REC114: variants seen among roughly 807,000 people sequenced by gnomAD.
The protein encoded by REC114 is meiotic recombination protein REC114.
In REC114, 27 loss-of-function variants were observed where a neutral mutation model predicts 31.3. The observed-to-expected ratio is 0.86, with a 90% CI of 0.64 to 1.19. The LOEUF (loss-of-function observed/expected upper bound fraction) is 1.19. Among genes scored for constraint, REC114 ranks in the 50% most tolerant of loss-of-function variants. The probability of loss-of-function intolerance (pLI) is 0.00; values close to 1 mark genes in which losing one functional copy is unlikely to be tolerated. For missense variants in REC114, 344 were observed against 326.9 expected, an observed-to-expected ratio of 1.05 and a Z score of -0.40; for synonymous variants, 134 against 127.7, an observed-to-expected ratio of 1.05 and a Z score of -0.33.
chr15:73,473,996 T>A, intron 2 of REC114, 75 bp downstream of exon 2: 1 of 908,182 alleles, frequency 1.1e-6, no homozygotes. Context: ...TTTTGTATCC[T>A]CAAGCTTCTT....
intron 1 of REC114, among the ~76,000 whole-genome samples, chr15:73,459,609 A>G (rs1246930097): frequency 6.6e-6 from 1 of 152,236 alleles, no homozygotes; most frequent in Non-Finnish European, 1.5e-5. Context: ...TTTATAAAGT[A>G]GTAGTCATTA....
intron 1 of REC114, among the ~76,000 whole-genome samples, chr15:73,466,436 C>A (rs957807367): frequency 2.0e-5 from 3 of 151,876 alleles, no homozygotes; most frequent in Non-Finnish European, 4.4e-5. Flanking sequence ...CACCTGTAAT[C>A]CTAGCTACTC....
At chr15:73,541,657 A>T (rs1566948387) in intron 3 of REC114, among the ~76,000 whole-genome samples, 1 of 152,190 alleles carries the variant, frequency 6.6e-6, no homozygotes, top group African/African-American at 2.4e-5. Flanking sequence ...TTTGTTTCCC[A>T]TATAAGGAAA....
intron 5 of REC114, among the ~76,000 whole-genome samples, chr15:73,557,463 C>A (rs998122293): frequency 1.3e-5 from 2 of 149,916 alleles, no homozygotes; most frequent in Admixed American, 1.3e-4. Context: ...ATCTGGCTTG[C>A]CACTAACTCA....
intron 2 of REC114, among the ~76,000 whole-genome samples, chr15:73,536,597 T>C (rs1436052551): frequency 1.3e-5 from 2 of 152,204 alleles, no homozygotes; most frequent in African/African-American, 2.4e-5. Flanking sequence ...ATTCTCTAGA[T>C]GGATAAGCCT....
intron 1 of REC114, among the ~76,000 whole-genome samples, chr15:73,443,606 G>A (rs535836133): frequency 1.3e-5 from 2 of 152,326 alleles, no homozygotes; most frequent in African/African-American, 4.8e-5. Flanking sequence ...TGTATTTATT[G>A]AGCGTCAAGT....
intron 2 of REC114, among the ~76,000 whole-genome samples, chr15:73,540,259 A>G (rs1894220000): frequency 6.6e-6 from 1 of 152,164 alleles, no homozygotes; most frequent in Admixed American, 6.5e-5. Flanking sequence ...ACATAAAAAG[A>G]TTAAGAAAAA....
At chr15:73,447,589 A>G (rs1001978202) in intron 1 of REC114, among the ~76,000 whole-genome samples, 1 of 152,078 alleles carries the variant, frequency 6.6e-6, no homozygotes, top group African/African-American at 2.4e-5. Context: ...CAGAGGTTGC[A>G]GTGAGCCAAG....
At chr15:73,475,780 A>G (rs1241343574) in intron 2 of REC114, among the ~76,000 whole-genome samples, 2 of 152,192 alleles carry the variant, frequency 1.3e-5, no homozygotes, top group African/African-American at 4.8e-5. Context: ...AGGATAGTTA[A>G]CTGAGTGTAC....
chr15:73,469,272 T>G (rs1893102221), intron 1 of REC114, among the ~76,000 whole-genome samples: 1 of 152,242 alleles, frequency 6.6e-6, no homozygotes, highest in Non-Finnish European at 1.5e-5. Flanking sequence ...TTCGTGTATT[T>G]TTAAGCTCTG....
intron 1 of REC114, among the ~76,000 whole-genome samples, chr15:73,444,490 CTCG>C (rs1285035795): frequency 6.6e-6 from 1 of 152,230 alleles, no homozygotes; most frequent in African/African-American, 2.4e-5. Flanking sequence ...TAAAAAGCAA[CTCG>C]TCATCTCTTC....
chr15:73,494,491 CAA>C (rs769659178), intron 2 of REC114, among the ~76,000 whole-genome samples: 28 of 84,100 alleles, frequency 3.3e-4, no homozygotes, highest in Non-Finnish European at 2.9e-4. Flanking sequence ...GACCCTGTCT[CAA>C]AAAAAAAAAA....
In REC114 at chr15:73,541,180, G is replaced by A. The variant is rs1249066480; in HGVS notation, c.333+612G>A. Among the ~76,000 whole-genome samples the A allele has an allele frequency of 3.3e-5, 5 of 152,100 alleles. 1 individual carries two copies. The South Asian group carries it at 8.3e-4, about 25-fold the overall frequency. On this transcript the variant is annotated intron_variant, in intron 3 of 5. Transcript: ENST00000331090. ...TCTAGTGGAGGGGTATTAACCTGGG[G>A]TACACAGACCCCAGAGTCTCCATAG...
chr15:73,527,114 C>T (rs550489617), intron 2 of REC114, among the ~76,000 whole-genome samples: 1 of 152,172 alleles, frequency 6.6e-6, no homozygotes, highest in African/African-American at 2.4e-5. Context: ...ATCTGGCCCT[C>T]ATGTATGTTT....
chr15:73,504,217 G>T (rs918165979), intron 2 of REC114, among the ~76,000 whole-genome samples: 1 of 151,892 alleles, frequency 6.6e-6, no homozygotes, highest in Admixed American at 6.6e-5. Context: ...ATGTTGGCCA[G>T]ATGGTCTCGA....
At chr15:73,454,081 A>G (rs1892886894) in intron 1 of REC114, among the ~76,000 whole-genome samples, 1 of 152,156 alleles carries the variant, frequency 6.6e-6, no homozygotes, top group Non-Finnish European at 1.5e-5. Context: ...ACAAACCTGC[A>G]CATTCTGCAC....
chr15:73,551,136 C>T lies in REC114; in HGVS notation c.532C>T (p.Pro178Ser). Residue 178 changes from proline (P) to serine (S), a missense_variant, in exon 4 of 6, where the codon CCA becomes TCA. Transcript: ENST00000331090. ...AGGGAAGGATTCTGCAAAGAGTGTC[C>T]CACGGCAGCCTGGAGTAAGTAGGCT... ...SQGKDSAKSVPRQPGSHQHSE... is the reference protein window; with the variant it reads ...SQGKDSAKSVSRQPGSHQHSE... The T allele has an allele frequency of 6.2e-7, 1 of 1,606,682 alleles. No homozygotes were observed. Among genetic ancestry groups the T allele is most frequent in the Non-Finnish European group, 8.5e-7 (1 of 1,176,604 alleles).
chr15:73,470,143 G>C (rs1893114925), intron 1 of REC114, among the ~76,000 whole-genome samples: 1 of 152,042 alleles, frequency 6.6e-6, no homozygotes, highest in Non-Finnish European at 1.5e-5. Context: ...TATGATTATT[G>C]ATAGGGTTGG....
chr15:73,554,648 T>G (rs2141337696), intron 4 of REC114, among the ~76,000 whole-genome samples: 1 of 152,308 alleles, frequency 6.6e-6, no homozygotes, highest in African/African-American at 2.4e-5. Context: ...GCAGTTCCTA[T>G]GTGGACTCTT....
Sources: gnomAD v4.1 joint callset for allele counts (sites outside exome capture counted in the v4.1 genomes callset) on GRCh38, gnomAD v4.1.1 for gene constraint, MANE v1.5 for transcripts, NCBI Gene and HGNC (gene_info 2026-07-23, HGNC 2026-07-21) for gene names.